The following LZTS1 variants were observed in gnomAD, a reference collection of about 807,000 sequenced individuals.
The protein encoded by LZTS1 is leucine zipper tumor suppressor 1, also known as leucine zipper putative tumor suppressor 1.
LZTS1 carries 31 observed loss-of-function variants against 45.8 expected under a neutral mutation model. The observed-to-expected ratio is 0.68, with a 90% CI of 0.51 to 0.91. The LOEUF (loss-of-function observed/expected upper bound fraction) is 0.91, where lower values mean the gene tolerates loss of function less well. Among genes scored for constraint, LZTS1 ranks in the 40% least tolerant of loss-of-function variants. The pLI is 0.00. For synonymous variants in LZTS1, 359 were observed against 357.3 expected (o/e 1.00, Z -0.05); for missense variants, 821 against 788.9 (o/e 1.04, Z -0.49).
At chr8:20,264,850 G>A (rs1448326649) in intron 1 of LZTS1, among the ~76,000 whole-genome samples, 1 of 152,216 alleles carries the variant, frequency 6.6e-6, no homozygotes, top group African/African-American at 2.4e-5. Flanking sequence ...AACAGGACAG[G>A]GACAACTGGG....
chr8:20,249,693 TC>T lies in LZTS1; in HGVS notation c.*28del. ...GAGAGCCCTGCCTCCCAGTGCCAGG[TC>T]CCCAGACTCGCCTTCCCAGGCAGCC... is the stretch of plus-strand genomic sequence containing the variant. On this transcript the variant is annotated 3_prime_UTR_variant, in exon 4 of 4. Coordinates refer to ENST00000381569, the MANE Select transcript of LZTS1 (RefSeq NM_021020.5). 6.4e-7 allele frequency: 1 copy of T among 1,573,854 alleles called. No individual in the cohort carries two copies. Among genetic ancestry groups the T allele is most frequent in the East Asian group, 2.2e-5 (1 of 44,476 alleles).
At chr8:20,267,869 A>C (rs1168909020) in intron 1 of LZTS1, among the ~76,000 whole-genome samples, 1 of 152,162 alleles carries the variant, frequency 6.6e-6, no homozygotes, top group Non-Finnish European at 1.5e-5. Context: ...GGCCCTAGAC[A>C]AAAGATCCCA....
At chr8:20,276,750 C>A (rs575077338) in intron 1 of LZTS1, among the ~76,000 whole-genome samples, 45 of 152,282 alleles carry the variant, frequency 3.0e-4, no homozygotes, top group Middle Eastern at 3.4e-3. Context: ...GTAGGTAGTG[C>A]CATAAATGAA....
At position 20,301,276 on chromosome 8, in the gene LZTS1, G is replaced by A. The variant is rs376236013; in HGVS notation, c.-135+2464C>T. Among the ~76,000 whole-genome samples, 37 of 152,254 alleles carry A rather than the reference G, an allele frequency of 2.4e-4. 1 individual carries two copies. The East Asian group carries it at 6.4e-3, about 26-fold the overall frequency. On this transcript the variant is annotated intron_variant, in intron 1 of 3. Transcript: ENST00000381569. ...CCAGGGTCCAGAACCTTACTAAGCTGATCTCAAATCCCTGCCCCTCGGTTT... is the reference window on the plus strand; with the variant it reads ...CCAGGGTCCAGAACCTTACTAAGCTAATCTCAAATCCCTGCCCCTCGGTTT...
intron 1 of LZTS1, among the ~76,000 whole-genome samples, chr8:20,262,515 C>A (rs1800256557): frequency 6.6e-6 from 1 of 151,940 alleles, no homozygotes; most frequent in African/African-American, 2.4e-5. Context: ...GATGGAGTGG[C>A]CAGGAAAGCT....
intron 1 of LZTS1, among the ~76,000 whole-genome samples, chr8:20,285,848 T>C (rs745530627): frequency 1.3e-5 from 2 of 152,092 alleles, no homozygotes; most frequent in African/African-American, 2.4e-5. Flanking sequence ...TGGAACCAAA[T>C]AGAATTCAGA....
At chr8:20,300,917 C>G (rs1801064486) in intron 1 of LZTS1, among the ~76,000 whole-genome samples, 1 of 151,980 alleles carries the variant, frequency 6.6e-6, no homozygotes, top group South Asian at 2.1e-4. Flanking sequence ...GTCAGGAGTT[C>G]AAGACCAGCC....
chr8:20,288,807 C>G (rs2128898507), intron 1 of LZTS1, among the ~76,000 whole-genome samples: 1 of 152,250 alleles, frequency 6.6e-6, no homozygotes, highest in South Asian at 2.1e-4. Flanking sequence ...ACCCTCCCCT[C>G]TGGGTTCAGG....
chr8:20,270,648 G>A (rs984868951), intron 1 of LZTS1, among the ~76,000 whole-genome samples: 12 of 152,102 alleles, frequency 7.9e-5, no homozygotes, highest in Non-Finnish European at 1.2e-4. Context: ...GACAAAAGGC[G>A]CAGACTCCTC....
rs1800099303 is a variant in LZTS1, at chr8:20,256,318, G to C, written c.-134-1003C>G. On this transcript the variant is annotated intron_variant, in intron 1 of 3. Transcript: ENST00000381569. ...ACAAGGAGGCTGTGCAGCTCAAAGA[G>C]CTCTGGCTTTGCTTGGGTTGAGACA... Among the ~76,000 whole-genome samples, 3 of 152,268 alleles carry C rather than the reference G, an allele frequency of 2.0e-5. No individual in the cohort carries two copies. In the South Asian group the frequency reaches 6.2e-4, roughly 32 times the overall value.
intron 1 of LZTS1, among the ~76,000 whole-genome samples, chr8:20,280,751 G>C (rs1308203467): frequency 6.6e-6 from 1 of 152,122 alleles, no homozygotes; most frequent in Non-Finnish European, 1.5e-5. Flanking sequence ...CATCACTCCG[G>C]ACAGACCCAG....
intron 1 of LZTS1, among the ~76,000 whole-genome samples, chr8:20,276,161 T>C (rs553475891): frequency 1.2e-4 from 19 of 152,274 alleles, no homozygotes; most frequent in Non-Finnish European, 2.5e-4. Context: ...GTTTAATGAA[T>C]GGATGACTAT....
intron 1 of LZTS1, 28 bp from the exon 2 acceptor site, chr8:20,255,343 G>A (rs1800072539): frequency 2.1e-6 from 3 of 1,418,914 alleles, no homozygotes; most frequent in Non-Finnish European, 2.8e-6. Flanking sequence ...ACAGAAGTCA[G>A]CGTGGGTGGG....
chr8:20,287,188 G>A lies in LZTS1; in HGVS notation c.-135+16552C>T, dbSNP rs554661462. Among the ~76,000 whole-genome samples the A allele has an allele frequency of 1.6e-4, 22 of 140,310 alleles. No individual in the cohort carries two copies. The South Asian group carries it at 3.9e-3, about 25-fold the overall frequency. The allele number at this position is 140,310 out of a possible 152,430, so 92.0% of individuals were successfully genotyped here. On this transcript the variant is annotated intron_variant, in intron 1 of 3. Transcript: ENST00000381569. ...GAGGACGAGAAAGGTGTTCGGTGCC[G>A]GTCACTTGGAAATGAGAGGCAGAGC...
intron 1 of LZTS1, among the ~76,000 whole-genome samples, chr8:20,280,012 C>A (rs1005009788): frequency 1.3e-5 from 2 of 150,670 alleles, no homozygotes; most frequent in African/African-American, 4.9e-5. Flanking sequence ...AGTGAATTTT[C>A]TTTTCCTGAT....
At chr8:20,254,383 C>CCAGGGCAG in intron 2 of LZTS1, among the ~76,000 whole-genome samples, 1 of 152,302 alleles carries the variant, frequency 6.6e-6, no homozygotes, top group East Asian at 1.9e-4. Context: ...CTAATGCACA[C>CCAGGGCAG]CAGGGCAGCA....
At chr8:20,275,404 CAAAAAA>C (rs55847914) in intron 1 of LZTS1, among the ~76,000 whole-genome samples, 1 of 113,616 alleles carries the variant, frequency 8.8e-6, no homozygotes. Flanking sequence ...GACTTCATCT[CAAAAAA>C]AAAAAAAAAA....
intron 1 of LZTS1, among the ~76,000 whole-genome samples, chr8:20,288,123 C>T (rs1432631852): frequency 6.6e-6 from 1 of 152,130 alleles, no homozygotes; most frequent in Non-Finnish European, 1.5e-5. Flanking sequence ...CCTTCTCCTT[C>T]TCAAAGAGGA....
rs1285347993 is a variant in LZTS1 at position 20,250,237 on chromosome 8, G to C, written c.1276C>G (p.Leu426Val). The change falls in exon 4 of 4, where the codon CTG becomes GTG. Residue 426 changes from leucine to valine, a missense_variant. By Grantham distance (32) the Leu-to-Val change is conservative. Coordinates refer to ENST00000381569, the MANE Select transcript of LZTS1 (RefSeq NM_021020.5). ...TGGGTCCTCAGCTCCAGGCCCTCCA[G>C]CTTGCCCCGCGTGTCCTTCAGCTGT... ...KAQLKDTRGK[L>V]EGLELRTQDL... The C allele has an allele frequency of 1.9e-6, 3 of 1,613,208 alleles. No homozygotes were observed. Among genetic ancestry groups the C allele is most frequent in the Admixed American group, 3.3e-5 (2 of 60,014 alleles).
Sources: gnomAD v4.1 joint callset for allele counts (sites outside exome capture counted in the v4.1 genomes callset) on GRCh38, gnomAD v4.1.1 for gene constraint, MANE v1.5 for transcripts, NCBI Gene and HGNC (gene_info 2026-07-23, HGNC 2026-07-21) for gene names.